The following TEAD1 variants were observed in gnomAD, a reference collection of about 807,000 sequenced individuals.
TEAD1 encodes the protein transcriptional enhancer factor TEF-1.
Under a neutral mutation model 54.9 loss-of-function variants are expected in TEAD1, and 9 were observed. The ratio of observed to expected loss-of-function variants is 0.16; its 90% CI spans 0.10 to 0.29. The LOEUF (loss-of-function observed/expected upper bound fraction) is 0.29, where lower values mean the gene tolerates loss of function less well. TEAD1 is among the 10% of genes least tolerant of loss of function. The pLI is 1.00. For synonymous variants in TEAD1, 200 were observed against 187.8 expected, an observed-to-expected ratio of 1.07 and a Z score of -0.53; for missense variants, 387 against 535.9, an observed-to-expected ratio of 0.72 and a Z score of 2.74.
intron 2 of TEAD1, among the ~76,000 whole-genome samples, chr11:12,678,624 T>C (rs1045120356): frequency 1.3e-5 from 2 of 152,230 alleles, no homozygotes; most frequent in Non-Finnish European, 2.9e-5. Context: ...CCTTGTTGTA[T>C]TGCAATTACT....
intron 9 of TEAD1, among the ~76,000 whole-genome samples, chr11:12,888,282 G>A (rs574458085): frequency 6.6e-6 from 1 of 152,246 alleles, no homozygotes; most frequent in Non-Finnish European, 1.5e-5. Flanking sequence ...GCCAAGGCGG[G>A]TGGGTCACTT....
intron 3 of TEAD1, among the ~76,000 whole-genome samples, chr11:12,792,129 A>G (rs1356087688): frequency 6.6e-6 from 1 of 152,088 alleles, no homozygotes; most frequent in African/African-American, 2.4e-5. Context: ...ATTTGAGATC[A>G]CCTCTCTGAT....
chr11:12,724,702 T>A (rs1177595003), intron 2 of TEAD1, among the ~76,000 whole-genome samples: 1 of 152,214 alleles, frequency 6.6e-6, no homozygotes, highest in Admixed American at 6.5e-5. Context: ...CTCCCTGGCC[T>A]GTCTTGAGGG....
intron 2 of TEAD1, among the ~76,000 whole-genome samples, chr11:12,727,647 C>T (rs567474964): frequency 1.3e-5 from 2 of 152,294 alleles, no homozygotes; most frequent in South Asian, 4.1e-4. Context: ...AAAAGACAGA[C>T]AAGAAACCTG....
chr11:12,839,184 G>C (rs1033040738), intron 3 of TEAD1, among the ~76,000 whole-genome samples: 2 of 152,106 alleles, frequency 1.3e-5, no homozygotes, highest in African/African-American at 4.8e-5. Flanking sequence ...GCAGAGGCCA[G>C]TGGATCACCT....
At chr11:12,861,865 A>T (rs1342190922) in intron 3 of TEAD1, among the ~76,000 whole-genome samples, 1 of 152,178 alleles carries the variant, frequency 6.6e-6, no homozygotes, top group African/African-American at 2.4e-5. Context: ...GCACGCCTGT[A>T]ATCCCAGCTA....
chr11:12,719,037 C>T (rs553676242), intron 2 of TEAD1, among the ~76,000 whole-genome samples: 7 of 151,478 alleles, frequency 4.6e-5, no homozygotes, highest in South Asian at 4.2e-4. Context: ...CTGAACAACG[C>T]GTTTTCAAAT....
At chr11:12,858,397 T>A (rs1017550890) in intron 3 of TEAD1, among the ~76,000 whole-genome samples, 2 of 152,170 alleles carry the variant, frequency 1.3e-5, no homozygotes, top group African/African-American at 4.8e-5. Context: ...AAAGAAATAA[T>A]TTGGCCTAGG....
chr11:12,853,995 TGC>T (rs1414193040), intron 3 of TEAD1, among the ~76,000 whole-genome samples: 1 of 152,198 alleles, frequency 6.6e-6, no homozygotes, highest in Non-Finnish European at 1.5e-5. Flanking sequence ...CTCCAGGGAT[TGC>T]TATTGTTTAC....
chr11:12,722,542 T>C (rs1479210920), intron 2 of TEAD1, among the ~76,000 whole-genome samples: 8 of 152,190 alleles, frequency 5.3e-5, no homozygotes, highest in African/African-American at 1.9e-4. Flanking sequence ...GGCTAGGTTT[T>C]GGTCCATGCT....
chr11:12,814,070 C>T (rs1946363563), intron 3 of TEAD1, among the ~76,000 whole-genome samples: 1 of 152,204 alleles, frequency 6.6e-6, no homozygotes, highest in Non-Finnish European at 1.5e-5. Flanking sequence ...AGCCGTGTCT[C>T]ATTCCCCTTC....
intron 3 of TEAD1, among the ~76,000 whole-genome samples, chr11:12,800,950 TTGG>T (rs1415465115): frequency 6.6e-6 from 1 of 152,166 alleles, no homozygotes; most frequent in Non-Finnish European, 1.5e-5. Context: ...TGGCACAGAA[TTGG>T]TGGTTTAAAA....
chr11:12,862,412 C>A, intron 4 of TEAD1, 98 bp downstream of exon 4: 1 of 1,029,662 alleles, frequency 9.7e-7, no homozygotes, highest in Non-Finnish European at 1.5e-6. Flanking sequence ...TAGGAGCCCC[C>A]AATTTGAGTT....
rs573770682 is a variant in TEAD1, at chr11:12,693,361, A to G, written c.-55+17800A>G. 1.2e-3 allele frequency among the ~76,000 whole-genome samples: 189 copies of G among 152,280 alleles called. 2 individuals carry two copies. Among genetic ancestry groups the G allele is most frequent in the Non-Finnish European group, 8.8e-5 (6 of 68,018 alleles). ...GCGAGTCCTTTATTACCCATTAATCATTGGTCTGCTCACTCTGAACTCTGG... is the reference window on the plus strand; with the variant it reads ...GCGAGTCCTTTATTACCCATTAATCGTTGGTCTGCTCACTCTGAACTCTGG... On this transcript the variant is annotated intron_variant, in intron 2 of 12. Transcript: ENST00000527636.
chr11:12,698,466 CAG>C (rs1441658297), intron 2 of TEAD1, among the ~76,000 whole-genome samples: 1 of 151,452 alleles, frequency 6.6e-6, no homozygotes, highest in Non-Finnish European at 1.5e-5. Context: ...GGAAGGGACT[CAG>C]ATGTGGTTTT....
chr11:12,830,599 C>T (rs190524216), intron 3 of TEAD1, among the ~76,000 whole-genome samples: 235 of 152,196 alleles, frequency 1.5e-3, no homozygotes, highest in Non-Finnish European at 2.6e-3. Flanking sequence ...CTGCTGCTCA[C>T]GTGGTCTTAA....
chr11:12,759,772 G>C (rs1476767686), intron 2 of TEAD1, among the ~76,000 whole-genome samples: 1 of 152,212 alleles, frequency 6.6e-6, no homozygotes. Context: ...TGAGGCAGGA[G>C]AATTGCTTGA....
chr11:12,684,119 CG>C, intron 2 of TEAD1, among the ~76,000 whole-genome samples: 1 of 152,232 alleles, frequency 6.6e-6, no homozygotes, highest in South Asian at 2.1e-4. Context: ...GAATCTGAGC[CG>C]GATTCCTGGT....
At chr11:12,854,166 T>A (rs1349012460) in intron 3 of TEAD1, among the ~76,000 whole-genome samples, 1 of 152,166 alleles carries the variant, frequency 6.6e-6, no homozygotes, top group African/African-American at 2.4e-5. Context: ...ACTGAGAACT[T>A]CCTCGTTGGA....
Sources: allele counts gnomAD v4.1 joint callset (sites outside exome capture counted in the v4.1 genomes callset), GRCh38; gene constraint gnomAD v4.1.1; transcripts MANE v1.5; gene names NCBI Gene and HGNC (gene_info 2026-07-23, HGNC 2026-07-21).